GNPTG: variants seen among roughly 807,000 people sequenced by gnomAD.
GNPTG encodes N-acetylglucosamine-1-phosphotransferase subunit gamma.
Under a neutral mutation model 43.8 loss-of-function variants are expected in GNPTG, and 46 were observed. The observed-to-expected ratio is 1.05, with a 90% CI of 0.83 to 1.34. The LOEUF (loss-of-function observed/expected upper bound fraction) is 1.34, where lower values mean the gene tolerates loss of function less well. Among genes scored for constraint, GNPTG ranks in the 40% most tolerant of loss-of-function variants. GNPTG has a pLI of 0.00. For missense variants in GNPTG, 549 were observed against 411.3 expected (o/e 1.33, Z -2.90); for synonymous variants, 250 against 172.8 (o/e 1.45, Z -3.50).
intron 3 of GNPTG, among the ~76,000 whole-genome samples, chr16:1,356,163 GA>G (rs1448283359): frequency 2.0e-5 from 3 of 152,134 alleles, no homozygotes; most frequent in Non-Finnish European, 4.4e-5. Flanking sequence ...GGGCAGAGGG[GA>G]AACGGAGTCC....
intron 3 of GNPTG, among the ~76,000 whole-genome samples, chr16:1,359,182 G>C (rs866956498): frequency 2.6e-5 from 4 of 152,070 alleles, no homozygotes; most frequent in Non-Finnish European, 5.9e-5. Flanking sequence ...CTGTAGTTCT[G>C]TGTTCTGGAT....
rs763241194 is a variant in GNPTG at position 1,362,362 on chromosome 16, C to T, written c.526+42C>T. On this transcript the variant is annotated intron_variant, in intron 7 of 10. Transcript: ENST00000204679. ...CAGTTGAGCCCAGTGGGGTCAGCCG[C>T]GCACGCAGCCCTGCTGGAGGCCCTG... 42 of 1,608,440 alleles carry T rather than the reference C, an allele frequency of 2.6e-5. No homozygotes were observed. The African/African-American group carries it at 2.7e-4, about 10-fold the overall frequency.
At position 1,363,346 on chromosome 16, in the gene GNPTG, A is replaced by G. The variant is rs2034984479; in HGVS notation, c.*255A>G. ...GTTCGCTACAAGTAAATGATTATAA[A>G]TACTACCTTCTGGGTTAAGAAAATT... On this transcript the variant is annotated 3_prime_UTR_variant, in exon 11 of 11. Transcript: ENST00000204679. 6.1e-6 allele frequency: 3 copies of G among 490,444 alleles called. No homozygotes were observed. The highest frequency in any genetic ancestry group is 3.9e-5 in the East Asian group (1 of 25,864). The allele number at this position is 490,444 out of a possible 1,614,324, so 30.4% of individuals were successfully genotyped here.
intron 3 of GNPTG, among the ~76,000 whole-genome samples, chr16:1,354,729 AAC>A (rs1379083027): frequency 4.6e-5 from 7 of 152,126 alleles, no homozygotes; most frequent in Non-Finnish European, 1.0e-4. Context: ...TTTAATTTGG[AAC>A]AGTTCTCTTC....
chr16:1,361,638 C>T, intron 3 of GNPTG, 105 bp from the exon 4 acceptor site: 1 of 1,165,758 alleles, frequency 8.6e-7, no homozygotes, highest in Non-Finnish European at 1.3e-6. Flanking sequence ...AGTGAGACTC[C>T]ATCTCAAAAA....
chr16:1,356,440 A>AG (rs2034777423), intron 3 of GNPTG, among the ~76,000 whole-genome samples: 1 of 152,098 alleles, frequency 6.6e-6, no homozygotes, highest in Non-Finnish European at 1.5e-5. Context: ...AGAGGCGTGG[A>AG]GGGGCCAGCC....
At position 1,355,234 on chromosome 16, in the gene GNPTG, C is replaced by G. The variant is rs911872626; in HGVS notation, c.178+2928C>G. Among the ~76,000 whole-genome samples, 3 of 152,030 alleles carry G rather than the reference C, an allele frequency of 2.0e-5. No homozygotes were observed. The South Asian group carries it at 6.2e-4, about 32-fold the overall frequency. Reference sequence around the variant, plus strand: ...GGATCCTCTCCTGCGTCTGTGGGGTCGGGTGTGGATATTCTACTTGTTTTT... The same window carrying G: ...GGATCCTCTCCTGCGTCTGTGGGGTGGGGTGTGGATATTCTACTTGTTTTT... On this transcript the variant is annotated intron_variant, in intron 3 of 10. Coordinates refer to ENST00000204679, the MANE Select transcript of GNPTG (RefSeq NM_032520.5).
intron 3 of GNPTG, among the ~76,000 whole-genome samples, chr16:1,355,156 C>T (rs578053644): frequency 1.9e-4 from 29 of 151,436 alleles, no homozygotes; most frequent in Middle Eastern, 3.4e-3. Flanking sequence ...GATGGTCTCC[C>T]GCGTCTGTGG....
Position 1,363,289 on chromosome 16 carries a change from A to C in GNPTG, c.*198A>C, listed in dbSNP as rs2034979977. ...AACCATTGCATAAATGCTATAGTGT[A>C]AAAAAATTTAAACAAGTGTTAACTT... On this transcript the variant is annotated 3_prime_UTR_variant, in exon 11 of 11. Coordinates refer to ENST00000204679, the MANE Select transcript of GNPTG (RefSeq NM_032520.5). 2 of 599,470 alleles carry C rather than the reference A, an allele frequency of 3.3e-6. No individual in the cohort carries two copies. The highest frequency in any genetic ancestry group is 3.7e-5 in the African/African-American group (2 of 53,820). 37.1% of individuals were successfully genotyped at this position (599,470 alleles called of 1,614,324 possible). A position where few individuals can be genotyped will look rare whatever the true frequency, so the allele number is the denominator to read the frequency against.
At chr16:1,352,518 G>A (rs2034703048) in intron 3 of GNPTG, 3 of 620,532 alleles carry the variant, frequency 4.8e-6, no homozygotes, top group South Asian at 1.9e-5. Context: ...TTTCCTTTCC[G>A]AGAGGTAACT....
rs570064313 is a variant in GNPTG at position 1,352,209 on chromosome 16, G to C, written c.111-30G>C. ...CTCGAGCGGGGGACGGCCCGGGCCC[G>C]TTCCCCGCTGACCTTGCCGCTTCCC... On this transcript the variant is annotated intron_variant, in intron 2 of 10. Coordinates refer to ENST00000204679, the MANE Select transcript of GNPTG (RefSeq NM_032520.5). 9.0e-6 allele frequency: 14 copies of C among 1,551,260 alleles called. 2 individuals are homozygous for C. The South Asian group carries it at 1.7e-4, about 18-fold the overall frequency.
intron 3 of GNPTG, among the ~76,000 whole-genome samples, chr16:1,352,982 T>TC (rs1001607169): frequency 1.3e-5 from 2 of 151,340 alleles, no homozygotes; most frequent in African/African-American, 4.8e-5. Context: ...TTTTTTTTTT[T>TC]TTTTGAGACA....
At position 1,363,335 on chromosome 16, in the gene GNPTG, A is replaced by G. The variant is rs2034983223; in HGVS notation, c.*244A>G. ...AACTTTAAACAGTTCGCTACAAGTAAATGATTATAAATACTACCTTCTGGG... is the reference window on the plus strand; with the variant it reads ...AACTTTAAACAGTTCGCTACAAGTAGATGATTATAAATACTACCTTCTGGG... On this transcript the variant is annotated 3_prime_UTR_variant, in exon 11 of 11. Coordinates refer to ENST00000204679, the MANE Select transcript of GNPTG (RefSeq NM_032520.5). 2 of 508,736 alleles carry G rather than the reference A, an allele frequency of 3.9e-6. No homozygotes were observed. Among genetic ancestry groups the G allele is most frequent in the Non-Finnish European group, 7.1e-6 (2 of 280,522 alleles). 31.5% of individuals were successfully genotyped at this position (508,736 alleles called of 1,614,324 possible).
chr16:1,354,356 G>A (rs979074462), intron 3 of GNPTG, among the ~76,000 whole-genome samples: 8 of 151,840 alleles, frequency 5.3e-5, no homozygotes, highest in African/African-American at 1.5e-4. Context: ...TGTGACGATC[G>A]CTTGAGGTCA....
At position 1,361,852 on chromosome 16, in the gene GNPTG, C is replaced by T. The variant is rs200915537; in HGVS notation, c.234-20C>T. 6.2e-7 allele frequency: 1 copy of T among 1,613,952 alleles called. No individual in the cohort carries two copies. The highest frequency in any genetic ancestry group is 2.2e-5 in the East Asian group (1 of 44,862). On this transcript the variant is annotated intron_variant, in intron 4 of 10. Transcript: ENST00000204679. ...TGGGGCGCAGCCTGCGGACCCCCCT[C>T]ATGCCATCTGTGTCCCCAGGTACAA...
chr16:1,358,204 C>A (rs1303492606), intron 3 of GNPTG: 1 of 152,260 alleles, frequency 6.6e-6, no homozygotes, highest in Non-Finnish European at 1.5e-5. Context: ...CCCCCAGGCG[C>A]TGGTGACACT....
At chr16:1,361,609 A>C (rs1045247867) in intron 3 of GNPTG, 134 bp from the exon 4 acceptor site, 30 of 868,018 alleles carry the variant, frequency 3.5e-5, no homozygotes, top group Middle Eastern at 2.6e-4. Context: ...ATGCCACTGC[A>C]CTCCAGCCTG....
Position 1,354,585 on chromosome 16 carries a change from C to CAAAAAAAAAAA in GNPTG, c.178+2293_178+2303dup, listed in dbSNP as rs869067502. On this transcript the variant is annotated intron_variant, in intron 3 of 10. Coordinates refer to ENST00000204679, the MANE Select transcript of GNPTG (RefSeq NM_032520.5). Reference sequence around the variant, plus strand: ...TGGGTGACAGAGCAAGACTTCGTCTCAAAAAAAAAAAAAAAAAAAAAAAAC... The same window carrying CAAAAAAAAAAA: ...TGGGTGACAGAGCAAGACTTCGTCTCAAAAAAAAAAAAAAAAAAAAAAAAAAAAAAAAAAAC... 7.3e-3 allele frequency among the ~76,000 whole-genome samples: 323 copies of CAAAAAAAAAAA among 44,354 alleles called. 21 individuals carry two copies. The highest frequency in any genetic ancestry group is 0.022 in the African/African-American group (279 of 12,456). The allele number at this position is 44,354 out of a possible 152,430, so 29.1% of individuals were successfully genotyped here.
At position 1,352,993 on chromosome 16, in the gene GNPTG, A is replaced by G. The variant is rs568344743; in HGVS notation, c.178+687A>G. 5.3e-4 allele frequency among the ~76,000 whole-genome samples: 79 copies of G among 148,906 alleles called. 1 individual carries two copies. The South Asian group carries it at 0.016, about 30-fold the overall frequency. ...TTTTTTTTTTTTTTTTTTTGAGACAAGAGTCTCGCTCTGTCGCCCAGGCTG... is the reference window on the plus strand; with the variant it reads ...TTTTTTTTTTTTTTTTTTTGAGACAGGAGTCTCGCTCTGTCGCCCAGGCTG... On this transcript the variant is annotated intron_variant, in intron 3 of 10. Coordinates refer to ENST00000204679, the MANE Select transcript of GNPTG (RefSeq NM_032520.5).
Sources: gnomAD v4.1 joint callset for allele counts (sites outside exome capture counted in the v4.1 genomes callset) on GRCh38, gnomAD v4.1.1 for gene constraint, MANE v1.5 for transcripts, NCBI Gene and HGNC (gene_info 2026-07-23, HGNC 2026-07-21) for gene names.